The following SLC1A4 variants were observed in gnomAD, a reference collection of about 807,000 sequenced individuals.
SLC1A4 encodes solute carrier family 1 member 4.
In SLC1A4, 19 loss-of-function variants were observed where a neutral mutation model predicts 37.7. That is an observed-to-expected ratio of 0.50 (90% CI 0.35 to 0.74). SLC1A4 has a LOEUF of 0.74. SLC1A4 is among the 30% of genes least tolerant of loss of function. The probability of loss-of-function intolerance (pLI) is 0.01; values close to 1 mark genes in which losing one functional copy is unlikely to be tolerated. For missense variants in SLC1A4, 570 were observed against 712.9 expected (o/e 0.80, Z 2.28); for synonymous variants, 299 against 309.8 (o/e 0.97, Z 0.37).
rs1674479146 is a variant in SLC1A4, at chr2:65,022,817, T to C, written c.*1671T>C. 1.3e-5 allele frequency: 2 copies of C among 152,290 alleles called. No individual in the cohort carries two copies. Among genetic ancestry groups the C allele is most frequent in the Admixed American group, 6.5e-5 (1 of 15,286 alleles). 9.4% of individuals were successfully genotyped at this position (152,290 alleles called of 1,614,324 possible). A position where few individuals can be genotyped will look rare whatever the true frequency, so the allele number is the denominator to read the frequency against. ...GTTTCTGCCACCCTGTAACAGGCCA[T>C]TAAAGCTCCCCAGTGTTCAGCCTCC... is the stretch of plus-strand genomic sequence containing the variant. On this transcript the variant is annotated 3_prime_UTR_variant, in exon 8 of 8. Transcript: ENST00000234256.
intron 1 of SLC1A4, among the ~76,000 whole-genome samples, chr2:64,991,848 G>A (rs1251715888): frequency 6.6e-5 from 10 of 152,018 alleles, no homozygotes; most frequent in Non-Finnish European, 1.0e-4. Context: ...TGAGCCACCC[G>A]CCTCGGCCTC....
chr2:65,010,571 T>G, intron 3 of SLC1A4, 26 bp from the exon 4 acceptor site: 1 of 1,568,870 alleles, frequency 6.4e-7, no homozygotes, highest in Admixed American at 1.9e-5. Context: ...TGTTGTAAAC[T>G]TGTTCTATCC....
rs890408714 is a variant in SLC1A4, at chr2:65,023,188, G to C, written c.*2042G>C. 4 of 152,146 alleles carry C rather than the reference G, an allele frequency of 2.6e-5. No individual in the cohort carries two copies. Among genetic ancestry groups the C allele is most frequent in the Admixed American group, 6.5e-5 (1 of 15,274 alleles). 9.4% of individuals were successfully genotyped at this position (152,146 alleles called of 1,614,324 possible). A position where few individuals can be genotyped will look rare whatever the true frequency, so the allele number is the denominator to read the frequency against. On this transcript the variant is annotated 3_prime_UTR_variant, in exon 8 of 8. Transcript: ENST00000234256. ...TTGCTGATACTCTTCTGTTTTCAAG[G>C]GAAACAATCACATTGTTTGATTCCA...
At chr2:64,997,526 T>C (rs567374031) in intron 1 of SLC1A4, among the ~76,000 whole-genome samples, 1 of 152,286 alleles carries the variant, frequency 6.6e-6, no homozygotes, top group East Asian at 1.9e-4. Flanking sequence ...TATAAATTAG[T>C]TTGGCTTTTT....
At position 64,991,550 on chromosome 2, in the gene SLC1A4, C is replaced by T. The variant is rs544873524; in HGVS notation, c.527+1380C>T. On this transcript the variant is annotated intron_variant, in intron 1 of 7. Transcript: ENST00000234256. The stretch of plus-strand genomic sequence containing the variant: ...TTCAGCGATCCTCCTGCCTCAGTCT[C>T]CAGAGTAGCTGAGATTACAGGTGCA... Among the ~76,000 whole-genome samples, 3 of 151,944 alleles carry T rather than the reference C, an allele frequency of 2.0e-5. No individual in the cohort carries two copies. In the East Asian group the frequency reaches 5.8e-4, roughly 29 times the overall value.
chr2:65,001,492 T>G lies in SLC1A4; in HGVS notation c.570+2T>G. The G allele has an allele frequency of 2.5e-6, 4 of 1,612,814 alleles. No homozygotes were observed. The highest frequency in any genetic ancestry group is 3.4e-6 in the Non-Finnish European group (4 of 1,178,794). ...CTTGTGGTTGCAGCTTTCCGTACGG[T>G]AAGGCTTGATACTTTGCTAAAAATA... On this transcript the variant is annotated splice_donor_variant, in intron 2 of 7. Coordinates refer to ENST00000234256, the MANE Select transcript of SLC1A4 (RefSeq NM_003038.5). LOFTEE classifies it high-confidence loss of function.
At position 65,018,012 on chromosome 2, in the gene SLC1A4, A is replaced by G; in HGVS notation, c.1035-59A>G. Reference sequence around the variant, plus strand: ...TCTGTTCTGGGGTCTGAGACAAGACACATGTTAGCCTGCCTCGGACTGTTG... The same window carrying G: ...TCTGTTCTGGGGTCTGAGACAAGACGCATGTTAGCCTGCCTCGGACTGTTG... On this transcript the variant is annotated intron_variant, in intron 5 of 7. Transcript: ENST00000234256. The surrounding 1 kb of genome is among the most constrained non-coding windows in gnomAD (Gnocchi z 4.3). 2.7e-6 allele frequency: 4 copies of G among 1,485,766 alleles called. No homozygotes were observed. The highest frequency in any genetic ancestry group is 1.4e-5 in the African/African-American group (1 of 72,340). The allele number at this position is 1,485,766 out of a possible 1,614,324, so 92.0% of individuals were successfully genotyped here.
At chr2:64,999,719 T>C (rs1673393194) in intron 1 of SLC1A4, 1 of 151,986 alleles carries the variant, frequency 6.6e-6, no homozygotes, top group African/African-American at 2.4e-5. Context: ...GGAGCCTCAG[T>C]TGGCTCTTGG....
intron 1 of SLC1A4, among the ~76,000 whole-genome samples, chr2:64,996,758 C>A (rs898612932): frequency 2.6e-5 from 4 of 152,178 alleles, no homozygotes; most frequent in African/African-American, 4.8e-5. Flanking sequence ...TGCTCAGTGA[C>A]TGGGCATTGG....
rs1674479605 is a variant in SLC1A4, at chr2:65,022,828, C to T, written c.*1682C>T. 1 of 152,358 alleles carries T rather than the reference C, an allele frequency of 6.6e-6. No individual in the cohort carries two copies. The highest frequency in any genetic ancestry group is 1.5e-5 in the Non-Finnish European group (1 of 68,144). 9.4% of individuals were successfully genotyped at this position (152,358 alleles called of 1,614,324 possible). A position where few individuals can be genotyped will look rare whatever the true frequency, so the allele number is the denominator to read the frequency against. On this transcript the variant is annotated 3_prime_UTR_variant, in exon 8 of 8. Transcript: ENST00000234256. The stretch of plus-strand genomic sequence containing the variant: ...CCTGTAACAGGCCATTAAAGCTCCC[C>T]AGTGTTCAGCCTCCTTCACTCCCTT...
intron 4 of SLC1A4, among the ~76,000 whole-genome samples, chr2:65,014,227 GATAT>G (rs889189494): frequency 6.6e-6 from 1 of 151,994 alleles, no homozygotes; most frequent in African/African-American, 2.4e-5. Flanking sequence ...TCTAAAAATT[GATAT>G]ATATATTTGC....
rs1366878352 is a variant in SLC1A4, at chr2:65,018,922, T to G, written c.1364+243T>G. On this transcript the variant is annotated intron_variant, in intron 7 of 7. Transcript: ENST00000234256. This position sits in a 1 kb window ranked among gnomAD's most constrained non-coding sequence, Gnocchi z 4.3. ...CATTACCAAGAACTTGCTTATAGCA[T>G]CCAGTAAAGCAGGGGTCCACAGCTG... 6.6e-6 allele frequency among the ~76,000 whole-genome samples: 1 copy of G among 152,196 alleles called. No individual in the cohort carries two copies. The highest frequency in any genetic ancestry group is 2.4e-5 in the African/African-American group (1 of 41,452).
chr2:64,991,431 T>C, intron 1 of SLC1A4, among the ~76,000 whole-genome samples: 1 of 150,648 alleles, frequency 6.6e-6, no homozygotes. Context: ...CTTTTTTTTT[T>C]TTTTTTTTTT....
chr2:65,008,590 G>A (rs35815508), intron 3 of SLC1A4, among the ~76,000 whole-genome samples: 2,624 of 152,184 alleles, frequency 0.017, 24 homozygotes, highest in Middle Eastern at 0.024. Context: ...GCAGTGAGCC[G>A]TGTTCACGCC....
chr2:65,005,539 CTCACTT>C lies in SLC1A4; in HGVS notation c.633+1525_633+1530del, dbSNP rs377298780. ...CTAGGCCTGCTTTCCAGGTAAGTGG[CTCACTT>C]CTGCATGCCACCCTCTTGGCACAGA... On this transcript the variant is annotated intron_variant, in intron 3 of 7. Transcript: ENST00000234256. Among the ~76,000 whole-genome samples the C allele has an allele frequency of 4.6e-3, 695 of 152,336 alleles. 5 individuals are homozygous for C. The highest frequency in any genetic ancestry group is 0.015 in the African/African-American group (636 of 41,572).
intron 4 of SLC1A4, among the ~76,000 whole-genome samples, chr2:65,014,885 T>G (rs1034227640): frequency 1.1e-4 from 16 of 152,220 alleles, no homozygotes; most frequent in African/African-American, 3.6e-4. Flanking sequence ...ATTTCCATTC[T>G]GAAGATAATA....
chr2:65,018,987 G>A lies in SLC1A4; in HGVS notation c.1364+308G>A, dbSNP rs1674300313. On this transcript the variant is annotated intron_variant, in intron 7 of 7. Transcript: ENST00000234256. This position sits in a 1 kb window ranked among gnomAD's most constrained non-coding sequence, Gnocchi z 4.3. Reference sequence around the variant, plus strand: ...GGCCCAAGGGACACGAGGGTCTATGGAGTTGCTGACTGCATAGGAGTAATA... The same window carrying A: ...GGCCCAAGGGACACGAGGGTCTATGAAGTTGCTGACTGCATAGGAGTAATA... Among the ~76,000 whole-genome samples the A allele has an allele frequency of 6.6e-6, 1 of 152,252 alleles. No homozygotes were observed. The highest frequency in any genetic ancestry group is 2.4e-5 in the African/African-American group (1 of 41,458).
In SLC1A4 at chr2:65,016,649, C is replaced by T. The variant is rs748429918; in HGVS notation, c.1010C>T (p.Ala337Val). 5.6e-6 allele frequency: 9 copies of T among 1,614,054 alleles called. No individual in the cohort carries two copies. The highest frequency in any genetic ancestry group is 1.6e-4 in the Middle Eastern group (1 of 6,062). ...RFLLGLLAPF[A>V]TAFATCSSSA... ...CTCCTGGGCCTCCTCGCCCCATTTG[C>T]GACAGCATTTGCTACCTGCTCCAGG... The change falls in exon 5 of 8, where the codon GCG (alanine) becomes GTG (valine). Residue 337 changes from alanine (A) to valine (V), a missense_variant. Physicochemically the swap from Ala to Val is moderately conservative, Grantham distance 64. Coordinates refer to ENST00000234256, the MANE Select transcript of SLC1A4 (RefSeq NM_003038.5).
At chr2:65,003,751 T>C (rs145723433) in intron 2 of SLC1A4, among the ~76,000 whole-genome samples, 2 of 152,340 alleles carry the variant, frequency 1.3e-5, no homozygotes, top group East Asian at 1.9e-4. Context: ...CAGAGACCTC[T>C]TGAAGTATCT....
Sources: allele counts gnomAD v4.1 joint callset (sites outside exome capture counted in the v4.1 genomes callset), GRCh38; gene constraint gnomAD v4.1.1; non-coding constraint Gnocchi (gnomAD v3.1); transcripts MANE v1.5; gene names NCBI Gene and HGNC (gene_info 2026-07-23, HGNC 2026-07-21).